ACER1: variants seen among roughly 807,000 people sequenced by gnomAD.
ACER1 encodes CTB-180A7.3.
Under a neutral mutation model 24.9 loss-of-function variants are expected in ACER1, and 28 were observed. The ratio of observed to expected loss-of-function variants is 1.13; its 90% CI spans 0.83 to 1.54. The LOEUF (loss-of-function observed/expected upper bound fraction) is 1.54, where lower values mean the gene tolerates loss of function less well. ACER1 is among the 40% of genes most tolerant of loss of function. The probability of loss-of-function intolerance (pLI) is 0.00; values close to 1 mark genes in which losing one functional copy is unlikely to be tolerated. For synonymous variants in ACER1, 132 were observed against 131.4 expected, an observed-to-expected ratio of 1.00 and a Z score of -0.03; for missense variants, 352 against 349.3, an observed-to-expected ratio of 1.01 and a Z score of -0.06.
the ACER1 span, among the ~76,000 whole-genome samples, chr19:6,358,128 C>T: frequency 2.6e-5 from 4 of 152,140 alleles, no homozygotes; most frequent in African/African-American, 9.7e-5. Flanking sequence ...GGCAACCGGC[C>T]GGGCAGGGCC....
At chr19:6,342,577 G>A in the ACER1 span, among the ~76,000 whole-genome samples, 4 of 151,554 alleles carry the variant, frequency 2.6e-5, no homozygotes, top group Non-Finnish European at 5.9e-5. Flanking sequence ...AAATTAGCCA[G>A]GCGTGGTGGC....
the ACER1 span, among the ~76,000 whole-genome samples, chr19:6,346,734 C>T: frequency 6.6e-6 from 1 of 151,902 alleles, no homozygotes; most frequent in Admixed American, 6.6e-5. Flanking sequence ...CACCCCCAGC[C>T]GCTGTTTTCC....
At chr19:6,333,951 C>G (rs2091702522), upstream of ACER1, among the ~76,000 whole-genome samples, 1 of 152,122 alleles carries the variant, frequency 6.6e-6, no homozygotes, top group African/African-American at 2.4e-5. Flanking sequence ...ATCATCATAG[C>G]TCACCGCAGC....
At chr19:6,319,664 C>T (rs1305275317) in intron 1 of ACER1, among the ~76,000 whole-genome samples, 1 of 152,088 alleles carries the variant, frequency 6.6e-6, no homozygotes, top group Non-Finnish European at 1.5e-5. Flanking sequence ...TTTTCCTGCT[C>T]CTACTTCCAG....
chr19:6,352,308 C>G, the ACER1 span, among the ~76,000 whole-genome samples: 1 of 152,096 alleles, frequency 6.6e-6, no homozygotes, highest in East Asian at 1.9e-4. Context: ...ACTTCCAAGC[C>G]AAGCATTTAA....
chr19:6,307,090 C>A, intron 5 of ACER1, 63 bp downstream of exon 5: 1 of 1,599,066 alleles, frequency 6.3e-7, no homozygotes, highest in South Asian at 1.1e-5. Context: ...GTGCCTACTC[C>A]GAGCTTTGGC....
At chr19:6,335,553 G>A (rs900890512), upstream of ACER1, among the ~76,000 whole-genome samples, 11 of 151,960 alleles carry the variant, frequency 7.2e-5, no homozygotes, top group South Asian at 2.1e-4. Context: ...ATCCTACCCC[G>A]GGTGCTGTGG....
At chr19:6,356,052 T>C in the ACER1 span, among the ~76,000 whole-genome samples, 1,459 of 151,292 alleles carry the variant, frequency 9.6e-3, 22 homozygotes, top group Non-Finnish European at 0.013. Flanking sequence ...GGGGAAAGGA[T>C]TGAGAAATCG....
At chr19:6,353,878 T>TAAAATAAAAC in the ACER1 span, among the ~76,000 whole-genome samples, 1 of 150,534 alleles carries the variant, frequency 6.6e-6, no homozygotes, top group African/African-American at 2.4e-5. Context: ...ATAAATAAAA[T>TAAAATAAAAC]AAAATAAAAC....
upstream of ACER1, among the ~76,000 whole-genome samples, chr19:6,338,154 T>C (rs539946201): frequency 6.6e-6 from 1 of 151,626 alleles, no homozygotes; most frequent in Admixed American, 6.6e-5. Flanking sequence ...AGAGATGGAG[T>C]CTTGCTCCGT....
chr19:6,306,914 A>G (rs778294433), intron 5 of ACER1, 32 bp from the exon 6 acceptor site: 43 of 1,594,446 alleles, frequency 2.7e-5, no homozygotes, highest in Non-Finnish European at 3.6e-5. Context: ...TGGCGAGGGC[A>G]CAAGATACCC....
the ACER1 span, among the ~76,000 whole-genome samples, chr19:6,355,342 G>GT: frequency 6.9e-6 from 1 of 145,852 alleles, no homozygotes; most frequent in Non-Finnish European, 1.5e-5. Flanking sequence ...AGTGAGGAGC[G>GT]TCTCTGCCTG....
At chr19:6,318,755 C>T (rs2091616008) in intron 1 of ACER1, among the ~76,000 whole-genome samples, 1 of 150,704 alleles carries the variant, frequency 6.6e-6, no homozygotes, top group Non-Finnish European at 1.5e-5. Context: ...CACTGCACTC[C>T]AGCCTGCGCA....
intron 1 of ACER1, among the ~76,000 whole-genome samples, chr19:6,319,010 T>C (rs2091617386): frequency 6.6e-6 from 1 of 151,784 alleles, no homozygotes; most frequent in Non-Finnish European, 1.5e-5. Flanking sequence ...CCTTGCAGGC[T>C]GATGCGGGCC....
chr19:6,325,707 C>T (rs1340787957), intron 1 of ACER1, among the ~76,000 whole-genome samples: 1 of 151,912 alleles, frequency 6.6e-6, no homozygotes, highest in Non-Finnish European at 1.5e-5. Context: ...TGCCTCCAAA[C>T]CCTTGAGCTG....
At chr19:6,328,808 G>A (rs1044512370) in intron 1 of ACER1, among the ~76,000 whole-genome samples, 27 of 151,710 alleles carry the variant, frequency 1.8e-4, no homozygotes, top group Admixed American at 6.6e-4. Context: ...CTGGAACTAC[G>A]GATGCATGCC....
At chr19:6,312,901 T>C (rs2145000178) in intron 1 of ACER1, among the ~76,000 whole-genome samples, 1 of 152,154 alleles carries the variant, frequency 6.6e-6, no homozygotes, top group Admixed American at 6.6e-5. Flanking sequence ...GCTCTTGAAC[T>C]CCTGACCTCA....
rs561097373 is a variant in ACER1, at chr19:6,322,794, T to G, written c.94-10295A>C. ...CTGTTCTCCTAATAGCGAATGAGTCTCATGAGATCTCATGGTTTTAAAAAC... is the reference window on the plus strand; with the variant it reads ...CTGTTCTCCTAATAGCGAATGAGTCGCATGAGATCTCATGGTTTTAAAAAC... On this transcript the variant is annotated intron_variant, in intron 1 of 5. Transcript: ENST00000301452. Among the ~76,000 whole-genome samples the G allele has an allele frequency of 5.3e-5, 8 of 152,214 alleles. No individual in the cohort carries two copies. In the East Asian group the frequency reaches 1.2e-3, roughly 22 times the overall value.
chr19:6,358,566 G>C, the ACER1 span, among the ~76,000 whole-genome samples: 1 of 151,448 alleles, frequency 6.6e-6, no homozygotes, highest in Non-Finnish European at 1.5e-5. Context: ...GGCGGAGCTT[G>C]CAGTGAGCCG....
Sources: gnomAD v4.1 joint callset for allele counts (sites outside exome capture counted in the v4.1 genomes callset) on GRCh38, gnomAD v4.1.1 for gene constraint, MANE v1.5 for transcripts, NCBI Gene and HGNC (gene_info 2026-07-23, HGNC 2026-07-21) for gene names.